Variants in AGPAT1 observed in about 807,000 individuals in gnomAD.
The protein encoded by AGPAT1 is 1-acyl-sn-glycerol-3-phosphate acyltransferase alpha.
A neutral mutation model predicts 31.2 loss-of-function variants in AGPAT1; 6 were observed. The ratio of observed to expected loss-of-function variants is 0.19; its 90% CI spans 0.11 to 0.38. AGPAT1 has a LOEUF of 0.38. AGPAT1 is among the 10% of genes least tolerant of loss of function. AGPAT1 has a pLI of 1.00. For missense variants in AGPAT1, 187 were observed against 377.8 expected, an observed-to-expected ratio of 0.49 and a Z score of 4.19; for synonymous variants, 139 against 154.0, an observed-to-expected ratio of 0.90 and a Z score of 0.72.
Position 32,169,802 on chromosome 6 carries a change from G to T in AGPAT1, c.679+164C>A. The T allele has an allele frequency of 1.5e-6, 1 of 682,178 alleles. No homozygotes were observed. Among genetic ancestry groups the T allele is most frequent in the Non-Finnish European group, 2.5e-6 (1 of 393,356 alleles). 42.3% of individuals were successfully genotyped at this position (682,178 alleles called of 1,614,324 possible). A position where few individuals can be genotyped will look rare whatever the true frequency, so the allele number is the denominator to read the frequency against. On this transcript the variant is annotated intron_variant, in intron 6 of 6. Coordinates refer to ENST00000375107, the MANE Select transcript of AGPAT1 (RefSeq NM_006411.4). This position sits in a 1 kb window ranked among gnomAD's most constrained non-coding sequence, Gnocchi z 5.9. ...GACCAAGTGCTACCCATCTGGCAGG[G>T]TATGGTGGGTGCTTAGTAAAGACTT... is the stretch of plus-strand genomic sequence containing the variant.
chr6:32,176,691 C>A, upstream of AGPAT1: 1 of 222,380 alleles, frequency 4.5e-6, no homozygotes, highest in Non-Finnish European at 8.5e-6. Context: ...ATCTCTTTGG[C>A]CTTATCCCTG....
At chr6:32,177,888 G>C (rs1582684213), upstream of AGPAT1, 1 of 152,312 alleles carries the variant, frequency 6.6e-6, no homozygotes, top group Non-Finnish European at 1.5e-5. Flanking sequence ...GCCAATTGTA[G>C]AGCAGTCACC....
rs1453675243 is a variant in AGPAT1, at chr6:32,170,009, G to A, written c.636C>T (p.Ser212=). The A allele has an allele frequency of 1.2e-6, 2 of 1,613,816 alleles. No homozygotes were observed. Among genetic ancestry groups the A allele is most frequent in the South Asian group, 1.1e-5 (1 of 91,072 alleles). Residue 212 remains serine (S), a synonymous_variant, in exon 6 of 7, where the codon TCC becomes TCT. Transcript: ENST00000375107. This position sits in a 1 kb window ranked among gnomAD's most constrained non-coding sequence, Gnocchi z 7.7. ...CCTTCTTGCAGTAGAAGTCTTGGTA[G>A]GAGGACATGACTATGGGGACAATGG... The part of the protein sequence containing the change: ...QVPIVPIVMS[S]YQDFYCKKER...
chr6:32,169,463 G>A lies in AGPAT1; in HGVS notation c.680-15C>T. On this transcript the variant is annotated splice_polypyrimidine_tract_variant and intron_variant, in intron 6 of 6. Coordinates refer to ENST00000375107, the MANE Select transcript of AGPAT1 (RefSeq NM_006411.4). The surrounding 1 kb of genome is among the most constrained non-coding windows in gnomAD (Gnocchi z 5.9). The stretch of plus-strand genomic sequence containing the variant: ...CTGACATTGTCCTGGGGCAAGGGGA[G>A]CACCATCATGGCCTGTCCACCCAGG... 2 of 1,611,814 alleles carry A rather than the reference G, an allele frequency of 1.2e-6. No homozygotes were observed. The highest frequency in any genetic ancestry group is 1.7e-6 in the Non-Finnish European group (2 of 1,179,634).
In AGPAT1 at chr6:32,168,712, C is replaced by T. The variant is rs1376617457; in HGVS notation, c.*564G>A. 1 of 156,138 alleles carries T rather than the reference C, an allele frequency of 6.4e-6. No individual in the cohort carries two copies. The highest frequency in any genetic ancestry group is 1.4e-5 in the Non-Finnish European group (1 of 70,442). 9.7% of individuals were successfully genotyped at this position (156,138 alleles called of 1,614,324 possible). A position where few individuals can be genotyped will look rare whatever the true frequency, so the allele number is the denominator to read the frequency against. On this transcript the variant is annotated 3_prime_UTR_variant, in exon 7 of 7. Coordinates refer to ENST00000375107, the MANE Select transcript of AGPAT1 (RefSeq NM_006411.4). The surrounding 1 kb of genome is among the most constrained non-coding windows in gnomAD (Gnocchi z 4.5). Reference sequence around the variant, plus strand: ...GACCTCTGAATTAGAAGGGTCCAGCCCCCACTGACAGGAGGCTACACTGGG... The same window carrying T: ...GACCTCTGAATTAGAAGGGTCCAGCTCCCACTGACAGGAGGCTACACTGGG...
Position 32,175,941 on chromosome 6 carries a change from G to A in AGPAT1, c.-137C>T, listed in dbSNP as rs1401511102. 3.0e-6 allele frequency: 3 copies of A among 985,710 alleles called. No individual in the cohort carries two copies. The highest frequency in any genetic ancestry group is 3.6e-6 in the Non-Finnish European group (3 of 830,180). 61.1% of individuals were successfully genotyped at this position (985,710 alleles called of 1,614,324 possible). A position where few individuals can be genotyped will look rare whatever the true frequency, so the allele number is the denominator to read the frequency against. ...GCCAAGGGGGCGACGGGATTTGGGG[G>A]TGTCCTAGCCCCGGCCGATGGAGGG... On this transcript the variant is annotated 5_prime_UTR_variant, in exon 1 of 7. Transcript: ENST00000375107. The surrounding 1 kb of genome is among the most constrained non-coding windows in gnomAD (Gnocchi z 4.5).
At position 32,172,776 on chromosome 6, in the gene AGPAT1, A is replaced by T. The variant is rs557079136; in HGVS notation, c.-9-1271T>A. ...GGCAAGATTAAAAGTTCGTGTCACT[A>T]ATGCCAACAGACACACAGTCATACA... On this transcript the variant is annotated intron_variant, in intron 1 of 6. Transcript: ENST00000375107. This position sits in a 1 kb window ranked among gnomAD's most constrained non-coding sequence, Gnocchi z 4.3. Among the ~76,000 whole-genome samples, 34 of 152,358 alleles carry T rather than the reference A, an allele frequency of 2.2e-4. No individual in the cohort carries two copies. The South Asian group carries it at 4.6e-3, about 20-fold the overall frequency.
chr6:32,169,245 G>A lies in AGPAT1; in HGVS notation c.*31C>T. 6.2e-7 allele frequency: 1 copy of A among 1,607,826 alleles called. No individual in the cohort carries two copies. The highest frequency in any genetic ancestry group is 8.5e-7 in the Non-Finnish European group (1 of 1,176,548). On this transcript the variant is annotated 3_prime_UTR_variant, in exon 7 of 7. Coordinates refer to ENST00000375107, the MANE Select transcript of AGPAT1 (RefSeq NM_006411.4). This position sits in a 1 kb window ranked among gnomAD's most constrained non-coding sequence, Gnocchi z 5.9. ...GGGTAGGTGTGGGGAGGAAGATGGG[G>A]ACAGATGGGAGGAGAGCTCAGAGCC... is the stretch of plus-strand genomic sequence containing the variant.
rs1482975517 is a variant in AGPAT1 at position 32,169,940 on chromosome 6, A to G, written c.679+26T>C. ...CTCCCAGCCTCTCCGGACACACCCT[A>G]CCCCAGAACTGCTCAAAGCCCTCAC... On this transcript the variant is annotated intron_variant, in intron 6 of 6. Transcript: ENST00000375107. This position sits in a 1 kb window ranked among gnomAD's most constrained non-coding sequence, Gnocchi z 5.9. 1.8e-5 allele frequency: 29 copies of G among 1,600,326 alleles called. No individual in the cohort carries two copies. Among genetic ancestry groups the G allele is most frequent in the Non-Finnish European group, 2.4e-5 (28 of 1,169,662 alleles).
chr6:32,177,850 G>A (rs1001654208), upstream of AGPAT1: 4 of 152,204 alleles, frequency 2.6e-5, no homozygotes, highest in Admixed American at 2.0e-4. Context: ...CGGATGAAGC[G>A]AGCCTAGGAC....
Position 32,175,732 on chromosome 6 carries a change from G to T in AGPAT1, c.-10+82C>A. The stretch of plus-strand genomic sequence containing the variant: ...CCCTCTCCCCCAGTCGGCCCTCCCA[G>T]ACCCAATCTCTCCCCTTCCCCTCAT... On this transcript the variant is annotated intron_variant, in intron 1 of 6. Transcript: ENST00000375107. The surrounding 1 kb of genome is among the most constrained non-coding windows in gnomAD (Gnocchi z 4.5). 1.3e-6 allele frequency: 1 copy of T among 792,428 alleles called. No individual in the cohort carries two copies. Among genetic ancestry groups the T allele is most frequent in the Non-Finnish European group, 1.5e-6 (1 of 653,870 alleles). 49.1% of individuals were successfully genotyped at this position (792,428 alleles called of 1,614,324 possible).
rs931418274 is a variant in AGPAT1 at position 32,169,226 on chromosome 6, G to C, written c.*50C>G. ...GCTTCAGGGCCCACTGGGTGGGTAG[G>C]TGTGGGGAGGAAGATGGGGACAGAT... On this transcript the variant is annotated 3_prime_UTR_variant, in exon 7 of 7. Transcript: ENST00000375107. This position sits in a 1 kb window ranked among gnomAD's most constrained non-coding sequence, Gnocchi z 5.9. 1.3e-6 allele frequency: 2 copies of C among 1,591,130 alleles called. No individual in the cohort carries two copies. The highest frequency in any genetic ancestry group is 2.7e-5 in the African/African-American group (2 of 74,726).
At position 32,175,084 on chromosome 6, in the gene AGPAT1, A is replaced by ATAAACATGCC. The variant is rs1426855494; in HGVS notation, c.-10+720_-10+729dup. ...AGGTATATAACCTTCACATGCTGAA[A>ATAAACATGCC]TAAACATGCCAAAACATAAAATGTG... is the stretch of plus-strand genomic sequence containing the variant. On this transcript the variant is annotated intron_variant, in intron 1 of 6. Transcript: ENST00000375107. This position sits in a 1 kb window ranked among gnomAD's most constrained non-coding sequence, Gnocchi z 4.5. Among the ~76,000 whole-genome samples the ATAAACATGCC allele has an allele frequency of 6.6e-6, 1 of 152,258 alleles. No individual in the cohort carries two copies. Among genetic ancestry groups the ATAAACATGCC allele is most frequent in the East Asian group, 1.9e-4 (1 of 5,202 alleles).
chr6:32,172,112 G>C lies in AGPAT1; in HGVS notation c.-9-607C>G, dbSNP rs1785154849. ...GCAGATCACGAGGTCAGGAGTTCAGGACCAGCCTGACCAACATGGTGAAAC... is the reference window on the plus strand; with the variant it reads ...GCAGATCACGAGGTCAGGAGTTCAGCACCAGCCTGACCAACATGGTGAAAC... On this transcript the variant is annotated intron_variant, in intron 1 of 6. Coordinates refer to ENST00000375107, the MANE Select transcript of AGPAT1 (RefSeq NM_006411.4). The surrounding 1 kb of genome is among the most constrained non-coding windows in gnomAD (Gnocchi z 4.3). The C allele has an allele frequency of 6.5e-6, 1 of 154,482 alleles. No individual in the cohort carries two copies. Among genetic ancestry groups the C allele is most frequent in the Admixed American group, 6.3e-5 (1 of 15,758 alleles). The allele number at this position is 154,482 out of a possible 1,614,324, so 9.6% of individuals were successfully genotyped here. A position where few individuals can be genotyped will look rare whatever the true frequency, so the allele number is the denominator to read the frequency against.
In AGPAT1 at chr6:32,170,603, T is replaced by G; in HGVS notation, c.335-3A>C. ...GCCTGGCAGTACCTCCATCATCCCT[T>G]GGGCAGGGTGGGAGTGGGTGAGGAT... On this transcript the variant is annotated splice_polypyrimidine_tract_variant and splice_region_variant and intron_variant, in intron 3 of 6. Transcript: ENST00000375107. The surrounding 1 kb of genome is among the most constrained non-coding windows in gnomAD (Gnocchi z 7.7). 1.2e-6 allele frequency: 2 copies of G among 1,610,602 alleles called. No homozygotes were observed. The highest frequency in any genetic ancestry group is 2.7e-5 in the African/African-American group (2 of 75,020).
chr6:32,169,329 TGGA>T lies in AGPAT1; in HGVS notation c.796_798del (p.Ser266del). ...TAGTCACCACCACCCCGGCCATCAGTGGAGATTTCCCGGAAAACAGTGAGCATG... is the reference window on the plus strand; with the variant it reads ...TAGTCACCACCACCCCGGCCATCAGTGATTTCCCGGAAAACAGTGAGCATG... On this transcript the variant is annotated inframe_deletion, in exon 7 of 7. Coordinates refer to ENST00000375107, the MANE Select transcript of AGPAT1 (RefSeq NM_006411.4). The surrounding 1 kb of genome is among the most constrained non-coding windows in gnomAD (Gnocchi z 5.9). 1 of 1,611,922 alleles carries T rather than the reference TGGA, an allele frequency of 6.2e-7. No homozygotes were observed. Among genetic ancestry groups the T allele is most frequent in the Non-Finnish European group, 8.5e-7 (1 of 1,179,158 alleles).
At chr6:32,176,373 CTCTTT>C, upstream of AGPAT1, 1 of 519,986 alleles carries the variant, frequency 1.9e-6, no homozygotes, top group Non-Finnish European at 2.5e-6. Context: ...TCCATCAGCT[CTCTTT>C]TAACTGCCAC....
chr6:32,171,180 T>C lies in AGPAT1; in HGVS notation c.201-110A>G. 1 of 1,591,016 alleles carries C rather than the reference T, an allele frequency of 6.3e-7. No individual in the cohort carries two copies. The highest frequency in any genetic ancestry group is 8.6e-7 in the Non-Finnish European group (1 of 1,166,298). ...GACCACCTTTGCAGTCCTCTCCCCA[T>C]TCCCTGTCTCTGGTCTCTCTCAGTC... is the stretch of plus-strand genomic sequence containing the variant. On this transcript the variant is annotated intron_variant, in intron 2 of 6. Coordinates refer to ENST00000375107, the MANE Select transcript of AGPAT1 (RefSeq NM_006411.4). This position sits in a 1 kb window ranked among gnomAD's most constrained non-coding sequence, Gnocchi z 6.9.
Position 32,175,983 on chromosome 6 carries a change from G to T in AGPAT1, c.-179C>A. ...GATGGAGGGGAGGTGGGAGTGGGAGGTTGGGCCCATAGCGGTAGGAATGGT... is the reference window on the plus strand; with the variant it reads ...GATGGAGGGGAGGTGGGAGTGGGAGTTTGGGCCCATAGCGGTAGGAATGGT... On this transcript the variant is annotated 5_prime_UTR_variant, in exon 1 of 7. Transcript: ENST00000375107. This position sits in a 1 kb window ranked among gnomAD's most constrained non-coding sequence, Gnocchi z 4.5. 2 of 985,556 alleles carry T rather than the reference G, an allele frequency of 2.0e-6. No homozygotes were observed. Among genetic ancestry groups the T allele is most frequent in the South Asian group, 9.4e-5 (2 of 21,314 alleles). The allele number at this position is 985,556 out of a possible 1,614,324, so 61.1% of individuals were successfully genotyped here.
Sources: allele counts gnomAD v4.1 joint callset (sites outside exome capture counted in the v4.1 genomes callset), GRCh38; gene constraint gnomAD v4.1.1; non-coding constraint Gnocchi (gnomAD v3.1); transcripts MANE v1.5; gene names NCBI Gene and HGNC (gene_info 2026-07-23, HGNC 2026-07-21).